Variants in WDR7 observed in about 807,000 individuals in gnomAD.
WDR7 encodes the protein WD repeat domain 7.
WDR7 carries 46 observed loss-of-function variants against 169.4 expected under a neutral mutation model. The observed-to-expected ratio is 0.27, with a 90% CI of 0.21 to 0.35. The LOEUF (loss-of-function observed/expected upper bound fraction) is 0.35. WDR7 is among the 10% of genes least tolerant of loss of function. The pLI, the probability that WDR7 is intolerant of heterozygous loss-of-function variation, is 1.00. For synonymous variants in WDR7, 612 were observed against 666.8 expected (o/e 0.92, Z 1.27); for missense variants, 1,534 against 1,859.3 (o/e 0.83, Z 3.22).
At chr18:56,704,507 C>T (rs1025889745) in intron 12 of WDR7, among the ~76,000 whole-genome samples, 4 of 152,180 alleles carry the variant, frequency 2.6e-5, no homozygotes, top group African/African-American at 9.7e-5. Flanking sequence ...CCATTACACT[C>T]CAGCCTAGGT....
intron 1 of WDR7, among the ~76,000 whole-genome samples, chr18:56,661,635 A>G (rs1186425175): frequency 6.6e-6 from 1 of 152,190 alleles, no homozygotes; most frequent in African/African-American, 2.4e-5. Context: ...TTGAGAGTAC[A>G]GTATATTTCT....
intron 12 of WDR7, among the ~76,000 whole-genome samples, chr18:56,700,959 G>A (rs1005742016): frequency 2.6e-5 from 4 of 152,098 alleles, no homozygotes; most frequent in African/African-American, 7.2e-5. Context: ...TACCTGATAC[G>A]GATTATTTTA....
intron 20 of WDR7, among the ~76,000 whole-genome samples, chr18:56,852,544 C>T (rs1298142279): frequency 6.6e-6 from 1 of 151,998 alleles, no homozygotes; most frequent in African/African-American, 2.4e-5. Context: ...TGGTTTAGTG[C>T]CTGTCTTAGA....
intron 26 of WDR7, among the ~76,000 whole-genome samples, chr18:57,015,382 A>G (rs2048192350): frequency 6.6e-6 from 1 of 152,256 alleles, no homozygotes; most frequent in Non-Finnish European, 1.5e-5. Context: ...TTCCTTGAGC[A>G]GATGAACCTG....
At chr18:56,991,069 G>A (rs1395511720) in intron 26 of WDR7, among the ~76,000 whole-genome samples, 1 of 151,178 alleles carries the variant, frequency 6.6e-6, no homozygotes, top group African/African-American at 2.4e-5. Flanking sequence ...GTCAGGGCAT[G>A]TGCCTTTCTC....
intron 7 of WDR7, among the ~76,000 whole-genome samples, chr18:56,688,150 T>TTACA (rs959535290): frequency 3.3e-4 from 50 of 152,182 alleles, no homozygotes; most frequent in Admixed American, 6.5e-4. Context: ...AGTTGCTGAG[T>TTACA]TACAACATGG....
At chr18:56,951,468 C>T (rs2047181881) in intron 25 of WDR7, among the ~76,000 whole-genome samples, 2 of 152,162 alleles carry the variant, frequency 1.3e-5, no homozygotes, top group African/African-American at 2.4e-5. Flanking sequence ...TCCTAAATGT[C>T]ATCTCATCTG....
chr18:56,872,531 A>G (rs1275962466), intron 20 of WDR7: 1 of 152,222 alleles, frequency 6.6e-6, no homozygotes, highest in East Asian at 1.9e-4. Flanking sequence ...TGTCAAGTAA[A>G]TTGTTGTTTT....
At chr18:56,943,717 G>A (rs1277372613) in intron 25 of WDR7, among the ~76,000 whole-genome samples, 1 of 152,018 alleles carries the variant, frequency 6.6e-6, no homozygotes, top group African/African-American at 2.4e-5. Flanking sequence ...AGTCAGCATT[G>A]TAAACATGAT....
intron 26 of WDR7, among the ~76,000 whole-genome samples, chr18:57,014,486 G>GTC (rs989572035): frequency 3.9e-4 from 59 of 151,880 alleles, no homozygotes; most frequent in African/African-American, 1.4e-3. Context: ...GAGAAACCCT[G>GTC]TCTCTACTAA....
At chr18:57,015,170 C>G (rs1239462349) in intron 26 of WDR7, among the ~76,000 whole-genome samples, 3 of 152,226 alleles carry the variant, frequency 2.0e-5, no homozygotes, top group African/African-American at 7.2e-5. Context: ...CCTGTCCACA[C>G]ACACAGCAGA....
intron 25 of WDR7, among the ~76,000 whole-genome samples, chr18:56,949,725 A>G (rs2047154879): frequency 6.6e-6 from 1 of 152,214 alleles, no homozygotes; most frequent in African/African-American, 2.4e-5. Context: ...CCACCAGTGT[A>G]TCTTGCACTT....
intron 1 of WDR7, among the ~76,000 whole-genome samples, chr18:56,661,132 G>A (rs554553356): frequency 1.3e-5 from 2 of 152,256 alleles, no homozygotes; most frequent in African/African-American, 4.8e-5. Context: ...TATATACAAC[G>A]AGAAAGTTCA....
chr18:56,735,350 A>G (rs1257009627), intron 14 of WDR7, among the ~76,000 whole-genome samples: 3 of 152,182 alleles, frequency 2.0e-5, no homozygotes, highest in East Asian at 1.9e-4. Flanking sequence ...TGTACAGGCC[A>G]TGGAATAGGC....
chr18:56,843,863 T>G (rs989929824), intron 20 of WDR7, among the ~76,000 whole-genome samples: 5 of 151,466 alleles, frequency 3.3e-5, no homozygotes, highest in African/African-American at 1.2e-4. Context: ...CTTTCTTTTT[T>G]TTTTTTTTTT....
At chr18:56,817,808 C>T (rs1294603575) in intron 20 of WDR7, among the ~76,000 whole-genome samples, 8 of 150,480 alleles carry the variant, frequency 5.3e-5, no homozygotes, top group East Asian at 2.0e-4. Context: ...TGCAGTGGCG[C>T]GATCTCGGCT....
chr18:56,656,519 A>G (rs2024776443), intron 1 of WDR7, among the ~76,000 whole-genome samples: 1 of 151,530 alleles, frequency 6.6e-6, no homozygotes, highest in Non-Finnish European at 1.5e-5. Context: ...AGCTCAGGCA[A>G]TCTGCCCGCC....
intron 16 of WDR7, among the ~76,000 whole-genome samples, chr18:56,774,203 T>G (rs2044208412): frequency 6.6e-6 from 1 of 152,094 alleles, no homozygotes; most frequent in South Asian, 2.1e-4. Context: ...TAGGAGTAGT[T>G]TAGAATCAAA....
intron 1 of WDR7, 141 bp from the exon 2 acceptor site, chr18:56,672,354 TGA>T: frequency 6.1e-5 from 38 of 623,090 alleles, no homozygotes; most frequent in Admixed American, 1.2e-4. Flanking sequence ...CGTTTTTTTT[TGA>T]AAATAATAAA....
Sources: allele counts gnomAD v4.1 joint callset (sites outside exome capture counted in the v4.1 genomes callset), GRCh38; gene constraint gnomAD v4.1.1; transcripts MANE v1.5; gene names NCBI Gene and HGNC (gene_info 2026-07-23, HGNC 2026-07-21).